XRCC4: variants seen among roughly 807,000 people sequenced by gnomAD.
XRCC4 encodes the protein DNA repair protein XRCC4.
XRCC4 carries 28 observed loss-of-function variants against 39.1 expected under a neutral mutation model. The ratio of observed to expected loss-of-function variants is 0.72; its 90% CI spans 0.53 to 0.98. The LOEUF (loss-of-function observed/expected upper bound fraction) is 0.98, where lower values mean the gene tolerates loss of function less well. Among genes scored for constraint, XRCC4 ranks in the 50% least tolerant of loss-of-function variants. The probability of loss-of-function intolerance (pLI) is 0.00; values close to 1 mark genes in which losing one functional copy is unlikely to be tolerated. For synonymous variants in XRCC4, 123 were observed against 126.4 expected (o/e 0.97, Z 0.18); for missense variants, 350 against 376.4 (o/e 0.93, Z 0.58).
chr5:83,202,619 ATGTG>A (rs1160409622), intron 4 of XRCC4, among the ~76,000 whole-genome samples: 1 of 152,024 alleles, frequency 6.6e-6, no homozygotes, highest in Non-Finnish European at 1.5e-5. Flanking sequence ...ACTGGTATAT[ATGTG>A]TGTGTGTGTT....
intron 6 of XRCC4, among the ~76,000 whole-genome samples, chr5:83,242,021 C>T (rs1034836979): frequency 1.3e-4 from 19 of 149,618 alleles, no homozygotes; most frequent in African/African-American, 4.4e-4. Flanking sequence ...GTGGCAGAGT[C>T]GGAAGAAGTG....
intron 6 of XRCC4, among the ~76,000 whole-genome samples, chr5:83,225,931 C>G (rs1752271306): frequency 6.6e-6 from 1 of 152,054 alleles, no homozygotes; most frequent in Admixed American, 6.6e-5. Context: ...TTATATGCCT[C>G]TGCTCTCAGA....
chr5:83,204,827 C>A lies in XRCC4; in HGVS notation c.651C>A (p.Ile217=). Residue 217 remains isoleucine (I), a synonymous_variant, in exon 6 of 8, where the codon ATC becomes ATA. Coordinates refer to ENST00000396027, the MANE Select transcript of XRCC4 (RefSeq NM_003401.5). ...TCTCTGTTTCTAGGGAAACTGCAAT[C>A]TGTTCTGAAATGACTGCTGACCGAG... ...KDIKQEGETA[I]CSEMTADRDP... is the part of the protein sequence containing the mutation. The A allele has an allele frequency of 6.2e-7, 1 of 1,605,536 alleles. No individual in the cohort carries two copies. The highest frequency in any genetic ancestry group is 8.5e-7 in the Non-Finnish European group (1 of 1,174,618).
At chr5:83,209,826 T>C (rs1442918984) in intron 6 of XRCC4, among the ~76,000 whole-genome samples, 2 of 152,152 alleles carry the variant, frequency 1.3e-5, no homozygotes, top group Non-Finnish European at 2.9e-5. Flanking sequence ...TCACTCTTTT[T>C]AGCTGCATAT....
intron 7 of XRCC4, among the ~76,000 whole-genome samples, chr5:83,299,958 T>C (rs959726917): frequency 1.7e-4 from 26 of 152,204 alleles, no homozygotes; most frequent in Admixed American, 1.7e-3. Context: ...TATTATGTGA[T>C]AGCCATTTCA....
At chr5:83,089,939 A>G (rs1250134200) in intron 1 of XRCC4, among the ~76,000 whole-genome samples, 1 of 152,176 alleles carries the variant, frequency 6.6e-6, no homozygotes, top group Admixed American at 6.5e-5. Context: ...GAGGACACAT[A>G]GGGAAAGTTA....
chr5:83,159,336 A>C (rs1189410380), intron 3 of XRCC4, among the ~76,000 whole-genome samples: 1 of 152,160 alleles, frequency 6.6e-6, no homozygotes. Flanking sequence ...TTGATGGAGA[A>C]CATAAGAAAG....
chr5:83,357,463 G>A (rs1178057187), downstream of XRCC4, among the ~76,000 whole-genome samples: 3 of 152,094 alleles, frequency 2.0e-5, no homozygotes, highest in Admixed American at 6.6e-5. Context: ...GGGGGTTGGA[G>A]AGTGGGCTGA....
intron 7 of XRCC4, among the ~76,000 whole-genome samples, chr5:83,321,162 T>C (rs557504336): frequency 6.6e-6 from 1 of 152,296 alleles, no homozygotes; most frequent in African/African-American, 2.4e-5. Context: ...CATGTAAACA[T>C]AACTTTTTCT....
chr5:83,112,271 G>A (rs1225753713), intron 3 of XRCC4, among the ~76,000 whole-genome samples: 2 of 152,176 alleles, frequency 1.3e-5, no homozygotes, highest in African/African-American at 4.8e-5. Context: ...TTTATTGTAA[G>A]TGTTCTTTCC....
intron 3 of XRCC4, among the ~76,000 whole-genome samples, chr5:83,143,452 A>C (rs1404148841): frequency 1.3e-5 from 2 of 152,186 alleles, no homozygotes; most frequent in African/African-American, 4.8e-5. Context: ...CTAAACTAAA[A>C]AAATAAAATT....
intron 7 of XRCC4, among the ~76,000 whole-genome samples, chr5:83,325,178 T>G (rs987364573): frequency 6.6e-5 from 10 of 152,162 alleles, no homozygotes; most frequent in Non-Finnish European, 1.5e-4. Context: ...TGCTGTTTTT[T>G]AGAGTCCATG....
intron 7 of XRCC4, among the ~76,000 whole-genome samples, chr5:83,325,336 G>A (rs769316941): frequency 1.3e-5 from 2 of 151,836 alleles, no homozygotes; most frequent in African/African-American, 2.4e-5. Context: ...AGGGGTACAT[G>A]TGCAGGACAT....
At chr5:83,197,719 A>T (rs1366605927) in intron 4 of XRCC4, among the ~76,000 whole-genome samples, 1 of 152,114 alleles carries the variant, frequency 6.6e-6, no homozygotes, top group East Asian at 1.9e-4. Context: ...AAGCACAGCC[A>T]TGTACCCTGT....
intron 1 of XRCC4, among the ~76,000 whole-genome samples, chr5:83,099,602 G>A (rs1745830963): frequency 6.6e-6 from 1 of 152,142 alleles, no homozygotes; most frequent in Admixed American, 6.6e-5. Flanking sequence ...AAGACACAAA[G>A]TACTAAAGAT....
At chr5:83,332,171 AC>A (rs768615681) in intron 7 of XRCC4, among the ~76,000 whole-genome samples, 2 of 151,658 alleles carry the variant, frequency 1.3e-5, no homozygotes, top group Non-Finnish European at 2.9e-5. Flanking sequence ...GACAGAACTT[AC>A]AATTGAAAAA....
chr5:83,364,898 A>G, the XRCC4 span, among the ~76,000 whole-genome samples: 3 of 152,218 alleles, frequency 2.0e-5, no homozygotes, highest in Non-Finnish European at 2.9e-5. Context: ...GCAGTTTTAA[A>G]TATCTTTTTT....
At position 83,138,343 on chromosome 5, in the gene XRCC4, T is replaced by C. The variant is rs142458158; in HGVS notation, c.315+27140T>C. 3.5e-4 allele frequency among the ~76,000 whole-genome samples: 54 copies of C among 152,286 alleles called. 1 individual carries two copies. The East Asian group carries it at 9.6e-3, about 27-fold the overall frequency. ...TTTTATAACCTTTATAACCTTTTACTATATCTGGAGTCTAATAAATTGGGA... is the reference window on the plus strand; with the variant it reads ...TTTTATAACCTTTATAACCTTTTACCATATCTGGAGTCTAATAAATTGGGA... On this transcript the variant is annotated intron_variant, in intron 3 of 7. Coordinates refer to ENST00000396027, the MANE Select transcript of XRCC4 (RefSeq NM_003401.5).
chr5:83,250,459 T>G (rs1320133168), intron 6 of XRCC4, among the ~76,000 whole-genome samples: 1 of 152,222 alleles, frequency 6.6e-6, no homozygotes, highest in Non-Finnish European at 1.5e-5. Flanking sequence ...GAGAAATTAC[T>G]TAGTGTTACA....
Sources: allele counts gnomAD v4.1 joint callset (sites outside exome capture counted in the v4.1 genomes callset), GRCh38; gene constraint gnomAD v4.1.1; transcripts MANE v1.5; gene names NCBI Gene and HGNC (gene_info 2026-07-23, HGNC 2026-07-21).